DLG2: variants seen among roughly 807,000 people sequenced by gnomAD.
The protein encoded by DLG2 is discs large MAGUK scaffold protein 2, also known as disks large homolog 2.
Under a neutral mutation model 132.5 loss-of-function variants are expected in DLG2, and 45 were observed. The ratio of observed to expected loss-of-function variants is 0.34; its 90% confidence interval spans 0.27 to 0.44. The LOEUF (loss-of-function observed/expected upper bound fraction) is 0.44, where lower values mean the gene tolerates loss of function less well. DLG2 is among the 20% of genes least tolerant of loss of function. DLG2 has a pLI of 1.00. For missense variants in DLG2, 1,045 were observed against 1,196.9 expected (o/e 0.87, Z 1.87); for synonymous variants, 424 against 419.6 (o/e 1.01, Z -0.13).
intron 21 of DLG2, among the ~76,000 whole-genome samples, chr11:83,526,328 C>G (rs1393909735): frequency 6.6e-6 from 1 of 152,194 alleles, no homozygotes; most frequent in Non-Finnish European, 1.5e-5. Flanking sequence ...ACTGTAATAG[C>G]TTTCTCAAAC....
chr11:84,776,540 T>C (rs951722072), intron 6 of DLG2, among the ~76,000 whole-genome samples: 1 of 152,202 alleles, frequency 6.6e-6, no homozygotes, highest in Non-Finnish European at 1.5e-5. Flanking sequence ...CAAAAGTTCT[T>C]TTATGTATGT....
intron 6 of DLG2, among the ~76,000 whole-genome samples, chr11:84,858,803 T>C (rs1475006958): frequency 2.0e-5 from 3 of 151,934 alleles, no homozygotes; most frequent in Admixed American, 1.3e-4. Context: ...TCATGGGAAA[T>C]AGTTTGTACT....
At chr11:84,943,011 C>G (rs1238869233) in intron 6 of DLG2, among the ~76,000 whole-genome samples, 1 of 152,004 alleles carries the variant, frequency 6.6e-6, no homozygotes, top group East Asian at 1.9e-4. Flanking sequence ...GTCTTCAAAA[C>G]CATTTTGTCT....
chr11:85,077,428 G>C (rs1482711894), intron 6 of DLG2, among the ~76,000 whole-genome samples: 1 of 151,872 alleles, frequency 6.6e-6, no homozygotes, highest in Non-Finnish European at 1.5e-5. Context: ...CTATGCTAGT[G>C]GAGTTGTTTG....
chr11:84,355,106 T>G (rs2098603285), intron 7 of DLG2, among the ~76,000 whole-genome samples: 1 of 152,004 alleles, frequency 6.6e-6, no homozygotes, highest in African/African-American at 2.4e-5. Context: ...TAGGATCATA[T>G]AAGATGATAC....
chr11:84,523,469 G>A (rs1051272907), intron 7 of DLG2, among the ~76,000 whole-genome samples: 4 of 152,110 alleles, frequency 2.6e-5, no homozygotes, highest in Non-Finnish European at 5.9e-5. Context: ...AAATTCAACA[G>A]CACTAACAGT....
intron 18 of DLG2, among the ~76,000 whole-genome samples, chr11:83,777,891 T>C (rs1302169427): frequency 1.3e-5 from 2 of 152,142 alleles, no homozygotes; most frequent in African/African-American, 4.8e-5. Flanking sequence ...TCATAGAACA[T>C]CAGCTGGAAA....
At chr11:84,934,676 G>A (rs538232685) in intron 6 of DLG2, among the ~76,000 whole-genome samples, 1 of 151,486 alleles carries the variant, frequency 6.6e-6, no homozygotes, top group South Asian at 2.1e-4. Context: ...TAAATTCCTG[G>A]ACACATACGC....
chr11:84,748,580 C>T (rs139493697), intron 6 of DLG2, among the ~76,000 whole-genome samples: 9 of 152,226 alleles, frequency 5.9e-5, no homozygotes, highest in African/African-American at 2.2e-4. Context: ...TATTCATTTG[C>T]TTATTTGCTA....
In DLG2 at chr11:84,102,502, A is replaced by G. The variant is rs75295152; in HGVS notation, c.625-3455T>C. 1.9e-3 allele frequency among the ~76,000 whole-genome samples: 289 copies of G among 152,280 alleles called. 2 individuals carry two copies. The highest frequency in any genetic ancestry group is 6.8e-3 in the African/African-American group (282 of 41,560). On this transcript the variant is annotated intron_variant, in intron 9 of 27. Coordinates refer to ENST00000376104, the MANE Select transcript of DLG2 (RefSeq NM_001142699.3). Reference sequence around the variant, plus strand: ...TGCTCTGTGTCATTACAAGAATAAAAAAGTAGAAAGCTCAGGCATTCAAAC... The same window carrying G: ...TGCTCTGTGTCATTACAAGAATAAAGAAGTAGAAAGCTCAGGCATTCAAAC...
intron 19 of DLG2, among the ~76,000 whole-genome samples, chr11:83,613,541 T>G (rs1043597803): frequency 6.6e-6 from 1 of 152,214 alleles, no homozygotes; most frequent in Non-Finnish European, 1.5e-5. Context: ...GGGGTTCTAT[T>G]TTTGCTGAGT....
At chr11:85,448,481 G>A (rs564565372) in intron 3 of DLG2, among the ~76,000 whole-genome samples, 6 of 152,072 alleles carry the variant, frequency 3.9e-5, no homozygotes, top group Admixed American at 6.5e-5. Context: ...AAAGTTAAAA[G>A]GAAACACTAT....
At chr11:85,264,706 A>C (rs1274214646) in intron 4 of DLG2, among the ~76,000 whole-genome samples, 2 of 152,168 alleles carry the variant, frequency 1.3e-5, no homozygotes, top group African/African-American at 2.4e-5. Context: ...CCAGGAGTGT[A>C]GTCTTCTCAG....
At chr11:83,843,102 G>T (rs1380040911) in intron 16 of DLG2, among the ~76,000 whole-genome samples, 1 of 152,132 alleles carries the variant, frequency 6.6e-6, no homozygotes, top group Non-Finnish European at 1.5e-5. Flanking sequence ...TTCTACATAG[G>T]CATTCAAAGC....
intron 6 of DLG2, among the ~76,000 whole-genome samples, chr11:84,586,123 C>A: frequency 7.0e-6 from 1 of 142,298 alleles, no homozygotes. Context: ...TGCACTGCAG[C>A]CGGGGTGACA....
At chr11:84,636,815 C>G (rs1336362702) in intron 6 of DLG2, among the ~76,000 whole-genome samples, 2 of 148,444 alleles carry the variant, frequency 1.3e-5, no homozygotes, top group Non-Finnish European at 3.0e-5. Flanking sequence ...GCGTTTTGCT[C>G]TTGTCATCCA....
chr11:84,635,298 T>G (rs1429893976), intron 6 of DLG2, among the ~76,000 whole-genome samples: 1 of 152,132 alleles, frequency 6.6e-6, no homozygotes, highest in Admixed American at 6.5e-5. Flanking sequence ...TCTATATTCC[T>G]TACCCACCCT....
At chr11:85,161,093 G>A (rs915049317) in intron 4 of DLG2, among the ~76,000 whole-genome samples, 1 of 152,190 alleles carries the variant, frequency 6.6e-6, no homozygotes, top group Non-Finnish European at 1.5e-5. Context: ...TCTGGGGAAG[G>A]GGTATGTGGA....
chr11:83,532,057 T>A (rs1176898087), intron 21 of DLG2, among the ~76,000 whole-genome samples: 1 of 152,106 alleles, frequency 6.6e-6, no homozygotes, highest in Non-Finnish European at 1.5e-5. Flanking sequence ...GATGAAATGC[T>A]CTAAAATTGA....
Sources: allele counts gnomAD v4.1 joint callset (sites outside exome capture counted in the v4.1 genomes callset), GRCh38; gene constraint gnomAD v4.1.1; transcripts MANE v1.5; gene names NCBI Gene and HGNC (gene_info 2026-07-23, HGNC 2026-07-21).